The following MSRA variants were observed in gnomAD, a reference collection of about 807,000 sequenced individuals.
MSRA encodes the protein mitochondrial peptide methionine sulfoxide reductase.
MSRA carries 54 observed loss-of-function variants against 31.3 expected under a neutral mutation model. That is an observed-to-expected ratio of 1.73 (90% CI 1.39 to 2.17). MSRA has a LOEUF of 2.17. MSRA is among the 30% of genes most tolerant of loss of function. The pLI is 0.00. For missense variants in MSRA, 507 were observed against 300.9 expected (o/e 1.69, Z -5.07); for synonymous variants, 169 against 116.5 (o/e 1.45, Z -2.90).
intron 5 of MSRA, among the ~76,000 whole-genome samples, chr8:10,360,233 G>A (rs1319068990): frequency 6.6e-6 from 1 of 152,160 alleles, no homozygotes; most frequent in African/African-American, 2.4e-5. Context: ...ATGCTTGTTG[G>A]ATATTTTGGT....
chr8:10,393,995 T>G (rs1455948996), intron 5 of MSRA, among the ~76,000 whole-genome samples: 1 of 152,222 alleles, frequency 6.6e-6, no homozygotes, highest in African/African-American at 2.4e-5. Flanking sequence ...CTGCAATCTG[T>G]GGCCAATTAG....
intron 2 of MSRA, among the ~76,000 whole-genome samples, chr8:10,242,719 AACAC>A (rs367837207): frequency 3.9e-5 from 6 of 151,954 alleles, no homozygotes; most frequent in Non-Finnish European, 8.8e-5. Flanking sequence ...TCTTTGTTTA[AACAC>A]ACACACACAC....
At chr8:10,260,548 C>G (rs1465799881) in intron 3 of MSRA, among the ~76,000 whole-genome samples, 1 of 152,182 alleles carries the variant, frequency 6.6e-6, no homozygotes, top group African/African-American at 2.4e-5. Flanking sequence ...ATGGACAAGT[C>G]ATTGCATAAA....
chr8:10,284,295 T>TC (rs1377655119), intron 3 of MSRA, among the ~76,000 whole-genome samples: 5 of 152,008 alleles, frequency 3.3e-5, no homozygotes, highest in Non-Finnish European at 4.4e-5. Flanking sequence ...TTCAAGCAAT[T>TC]CTCCTGCCTC....
intron 1 of MSRA, among the ~76,000 whole-genome samples, chr8:10,073,299 C>A (rs756202297): frequency 6.6e-6 from 1 of 152,096 alleles, no homozygotes; most frequent in Non-Finnish European, 1.5e-5. Flanking sequence ...CTCTTTATTC[C>A]TAACTTCCTC....
At chr8:10,183,524 A>G (rs1339742416) in intron 1 of MSRA, among the ~76,000 whole-genome samples, 1 of 152,200 alleles carries the variant, frequency 6.6e-6, no homozygotes, top group Non-Finnish European at 1.5e-5. Flanking sequence ...AGGGTCTGGG[A>G]GCTTGAAGAA....
chr8:10,248,744 G>T (rs1327373783), intron 3 of MSRA, among the ~76,000 whole-genome samples: 1 of 152,200 alleles, frequency 6.6e-6, no homozygotes, highest in Non-Finnish European at 1.5e-5. Flanking sequence ...TGAGAGAGGA[G>T]GTGTGCCCAT....
chr8:10,271,058 C>A (rs1178128411), intron 3 of MSRA, among the ~76,000 whole-genome samples: 4 of 133,938 alleles, frequency 3.0e-5, no homozygotes, highest in Non-Finnish European at 4.9e-5. Flanking sequence ...TGTTTGAGTT[C>A]TTTCTTCTTT....
intron 1 of MSRA, among the ~76,000 whole-genome samples, chr8:10,202,871 G>C (rs897842703): frequency 6.6e-6 from 1 of 152,144 alleles, no homozygotes; most frequent in East Asian, 1.9e-4. Context: ...AGGACACAGA[G>C]GCATGAAGAG....
intron 1 of MSRA, among the ~76,000 whole-genome samples, chr8:10,151,923 T>G (rs1803714868): frequency 6.6e-6 from 1 of 152,216 alleles, no homozygotes; most frequent in African/African-American, 2.4e-5. Flanking sequence ...TAGCACAGTT[T>G]TAGAAGGTCA....
intron 1 of MSRA, among the ~76,000 whole-genome samples, chr8:10,089,852 T>G (rs750134546): frequency 8.5e-5 from 13 of 152,178 alleles, no homozygotes; most frequent in Non-Finnish European, 1.3e-4. Context: ...AACAGTCCCG[T>G]TTCATGAGAG....
chr8:10,240,335 G>C (rs1193853327), intron 2 of MSRA, among the ~76,000 whole-genome samples: 1 of 152,144 alleles, frequency 6.6e-6, no homozygotes, highest in African/African-American at 2.4e-5. Context: ...GAGCGGGTGT[G>C]CATGCTGTTG....
chr8:10,220,381 A>G (rs1025423123), intron 2 of MSRA, among the ~76,000 whole-genome samples: 17 of 152,334 alleles, frequency 1.1e-4, no homozygotes, highest in African/African-American at 4.1e-4. Flanking sequence ...GGAAATAATC[A>G]GTGATACATC....
At position 10,302,793 on chromosome 8, in the gene MSRA, G is replaced by T. The variant is rs533733026; in HGVS notation, c.436+1155G>T. On this transcript the variant is annotated intron_variant, in intron 4 of 5. Coordinates refer to ENST00000317173, the MANE Select transcript of MSRA (RefSeq NM_012331.5). ...ACGATTTCCATGACCACAAAGTCTG[G>T]TTTGACATGGGGGAATGGGTACCTG... Among the ~76,000 whole-genome samples the T allele has an allele frequency of 4.6e-5, 7 of 152,346 alleles. No homozygotes were observed. In the South Asian group the frequency reaches 1.5e-3, roughly 32 times the overall value.
chr8:10,186,957 C>G (rs1416651511), intron 1 of MSRA, among the ~76,000 whole-genome samples: 1 of 152,138 alleles, frequency 6.6e-6, no homozygotes, highest in Non-Finnish European at 1.5e-5. Flanking sequence ...GATTGTTGAT[C>G]TTGTAAATTC....
chr8:10,238,642 T>C (rs1812151092), intron 2 of MSRA, among the ~76,000 whole-genome samples: 1 of 152,166 alleles, frequency 6.6e-6, no homozygotes, highest in Non-Finnish European at 1.5e-5. Context: ...AAAGGTAACA[T>C]TGGAGATAAG....
intron 1 of MSRA, among the ~76,000 whole-genome samples, chr8:10,116,612 A>C (rs1232269180): frequency 6.6e-6 from 1 of 152,154 alleles, no homozygotes; most frequent in African/African-American, 2.4e-5. Flanking sequence ...ATCGATAGAC[A>C]CCTAGGATGC....
chr8:10,087,015 A>G (rs1313310791), intron 1 of MSRA, among the ~76,000 whole-genome samples: 1 of 152,186 alleles, frequency 6.6e-6, no homozygotes, highest in Non-Finnish European at 1.5e-5. Context: ...AAGGAAGTTT[A>G]TCTTCTATGA....
chr8:10,357,442 C>G (rs1289826367), intron 5 of MSRA, among the ~76,000 whole-genome samples: 1 of 152,192 alleles, frequency 6.6e-6, no homozygotes, highest in Non-Finnish European at 1.5e-5. Context: ...ATATTATGAA[C>G]TCATGGATTT....
Sources: gnomAD v4.1 joint callset for allele counts (sites outside exome capture counted in the v4.1 genomes callset) on GRCh38, gnomAD v4.1.1 for gene constraint, MANE v1.5 for transcripts, NCBI Gene and HGNC (gene_info 2026-07-23, HGNC 2026-07-21) for gene names.